Variants in CPEB1 observed in about 807,000 individuals in gnomAD.
CPEB1 encodes cytoplasmic polyadenylation element binding protein 1, also known as cytoplasmic polyadenylation element-binding protein 1.
A neutral mutation model predicts 65.8 loss-of-function variants in CPEB1; 7 were observed. That is an observed-to-expected ratio of 0.11 (90% CI 0.06 to 0.20). CPEB1 has a LOEUF of 0.20. CPEB1 is among the 10% of genes least tolerant of loss of function. CPEB1 has a pLI of 1.00. For synonymous variants in CPEB1, 262 were observed against 260.0 expected, an observed-to-expected ratio of 1.01 and a Z score of -0.08; for missense variants, 551 against 712.2, an observed-to-expected ratio of 0.77 and a Z score of 2.58.
intron 3 of CPEB1, among the ~76,000 whole-genome samples, chr15:82,588,179 C>G (rs2041953086): frequency 6.6e-6 from 1 of 151,850 alleles, no homozygotes. Flanking sequence ...AACTCCTGGG[C>G]TCAAGAGATC....
intron 4 of CPEB1, 36 bp from the exon 5 acceptor site, chr15:82,558,022 A>G: frequency 1.4e-6 from 2 of 1,446,484 alleles, no homozygotes; most frequent in Non-Finnish European, 1.9e-6. Context: ...ATGACCTCTT[A>G]GTTTTCTTTG....
At chr15:82,573,807 T>C (rs1306254033) in intron 3 of CPEB1, among the ~76,000 whole-genome samples, 1 of 152,074 alleles carries the variant, frequency 6.6e-6, no homozygotes, top group East Asian at 1.9e-4. Context: ...CCAGTTAATA[T>C]ATATGTATGC....
At chr15:82,614,806 T>TA in intron 3 of CPEB1, among the ~76,000 whole-genome samples, 1 of 152,088 alleles carries the variant, frequency 6.6e-6, no homozygotes, top group African/African-American at 2.4e-5. Flanking sequence ...TCAAGAGACT[T>TA]ACAGTATAAA....
chr15:82,560,605 C>G (rs1045460299), intron 4 of CPEB1, among the ~76,000 whole-genome samples: 3 of 151,544 alleles, frequency 2.0e-5, no homozygotes, highest in African/African-American at 4.9e-5. Flanking sequence ...GTTGCCCAGG[C>G]TGGTCTCGAA....
intron 3 of CPEB1, among the ~76,000 whole-genome samples, chr15:82,615,709 T>C (rs745807269): frequency 1.1e-4 from 17 of 152,324 alleles, no homozygotes; most frequent in East Asian, 5.8e-4. Context: ...ATCTAGAGTC[T>C]ACATGGAATG....
chr15:82,602,065 A>G (rs1201392596), intron 3 of CPEB1, among the ~76,000 whole-genome samples: 5 of 152,120 alleles, frequency 3.3e-5, no homozygotes, highest in African/African-American at 9.7e-5. Flanking sequence ...CACTGTCTTT[A>G]TAAGTATATC....
At chr15:82,553,277 A>AG (rs2036595551) in intron 8 of CPEB1, among the ~76,000 whole-genome samples, 190 bp downstream of exon 8, 1 of 152,200 alleles carries the variant, frequency 6.6e-6, no homozygotes, top group African/African-American at 2.4e-5. Context: ...ATGGAACATT[A>AG]GCTCAGAAGA....
At chr15:82,552,210 A>G (rs1425830221) in intron 9 of CPEB1, among the ~76,000 whole-genome samples, 6 of 152,166 alleles carry the variant, frequency 3.9e-5, no homozygotes, top group African/African-American at 1.2e-4. Flanking sequence ...AAGAAAGAAG[A>G]GCAGAATAAA....
intron 3 of CPEB1, among the ~76,000 whole-genome samples, chr15:82,616,062 CATT>C (rs1400012208): frequency 1.3e-5 from 2 of 151,806 alleles, no homozygotes; most frequent in Non-Finnish European, 2.9e-5. Flanking sequence ...AATATGTACA[CATT>C]ATAAATATGA....
chr15:82,638,364 A>G (rs780717862), intron 1 of CPEB1, among the ~76,000 whole-genome samples: 51 of 152,208 alleles, frequency 3.4e-4, no homozygotes, highest in Non-Finnish European at 6.2e-4. Context: ...GAATTATGCA[A>G]ATATAACAAA....
At chr15:82,638,918 C>T (rs2046881461) in intron 1 of CPEB1, among the ~76,000 whole-genome samples, 2 of 152,230 alleles carry the variant, frequency 1.3e-5, no homozygotes, top group South Asian at 4.1e-4. Flanking sequence ...TGGCATTGCC[C>T]TGATTCCTGC....
chr15:82,555,851 A>G lies in CPEB1; in HGVS notation c.940+19T>C, dbSNP rs745453619. On this transcript the variant is annotated intron_variant, in intron 6 of 12. Coordinates refer to ENST00000684509, the MANE Select transcript of CPEB1 (RefSeq NM_001365242.1). ...CAAAATGAGGCCTCAGGCCTCACAC[A>G]TGCTCAAGGCACACTCACCTGCAGC... 1 of 1,600,996 alleles carries G rather than the reference A, an allele frequency of 6.2e-7. No homozygotes were observed. The highest frequency in any genetic ancestry group is 1.1e-5 in the South Asian group (1 of 88,578).
chr15:82,635,625 A>C (rs2046593928), intron 1 of CPEB1, among the ~76,000 whole-genome samples: 1 of 152,162 alleles, frequency 6.6e-6, no homozygotes, highest in Non-Finnish European at 1.5e-5. Flanking sequence ...CTGACAACCC[A>C]CTAGGTTAGA....
intron 3 of CPEB1, among the ~76,000 whole-genome samples, chr15:82,591,222 T>G (rs2042226390): frequency 6.6e-6 from 1 of 152,098 alleles, no homozygotes; most frequent in African/African-American, 2.4e-5. Flanking sequence ...CTGACTGGTG[T>G]GAGGTAGTAA....
At chr15:82,631,143 G>C (rs991888240) in intron 1 of CPEB1, among the ~76,000 whole-genome samples, 2 of 151,950 alleles carry the variant, frequency 1.3e-5, no homozygotes, top group Non-Finnish European at 2.9e-5. Context: ...CCTTAGGAGA[G>C]GAAGGAAATC....
At chr15:82,615,863 G>A (rs1245174643) in intron 3 of CPEB1, among the ~76,000 whole-genome samples, 1 of 152,094 alleles carries the variant, frequency 6.6e-6, no homozygotes, top group Non-Finnish European at 1.5e-5. Flanking sequence ...CTCTTGTGAT[G>A]TGGGCACAGG....
chr15:82,609,511 A>T (rs1008749590), intron 3 of CPEB1, among the ~76,000 whole-genome samples: 7 of 152,088 alleles, frequency 4.6e-5, no homozygotes, highest in South Asian at 2.1e-4. Flanking sequence ...AGAAAAAAAA[A>T]AATAATAACA....
intron 2 of CPEB1, 86 bp downstream of exon 2, chr15:82,628,278 G>T: frequency 1.4e-6 from 1 of 702,660 alleles, no homozygotes; most frequent in South Asian, 1.5e-5. Flanking sequence ...AGGAAATCAT[G>T]AAAGAAACTG....
At chr15:82,571,801 G>A in intron 3 of CPEB1, 4 of 1,245,334 alleles carry the variant, frequency 3.2e-6, no homozygotes, top group Non-Finnish European at 4.0e-6. Context: ...GATGCTTCCC[G>A]CTGCCAGTGA....
Sources: allele counts gnomAD v4.1 joint callset (sites outside exome capture counted in the v4.1 genomes callset), GRCh38; gene constraint gnomAD v4.1.1; transcripts MANE v1.5; gene names NCBI Gene and HGNC (gene_info 2026-07-23, HGNC 2026-07-21).